The following LDLRAD3 variants were observed in gnomAD, a reference collection of about 807,000 sequenced individuals.
The protein encoded by LDLRAD3 is low density lipoprotein receptor class A domain containing 3.
A neutral mutation model predicts 29.4 loss-of-function variants in LDLRAD3; 20 were observed. The observed-to-expected ratio is 0.68, with a 90% CI of 0.48 to 0.99. The LOEUF (loss-of-function observed/expected upper bound fraction) is 0.99, where lower values mean the gene tolerates loss of function less well. Among genes scored for constraint, LDLRAD3 ranks in the 50% least tolerant of loss-of-function variants. The probability of loss-of-function intolerance (pLI) is 0.00; values close to 1 mark genes in which losing one functional copy is unlikely to be tolerated. For synonymous variants in LDLRAD3, 157 were observed against 192.7 expected (o/e 0.81, Z 1.53); for missense variants, 420 against 454.3 (o/e 0.92, Z 0.69).
intron 4 of LDLRAD3, among the ~76,000 whole-genome samples, chr11:36,142,285 C>T (rs969140064): frequency 6.6e-6 from 1 of 152,192 alleles, no homozygotes; most frequent in Non-Finnish European, 1.5e-5. Flanking sequence ...TTCACACATC[C>T]CAGCTGTATT....
At chr11:36,163,937 T>G (rs912198984) in intron 4 of LDLRAD3, among the ~76,000 whole-genome samples, 8 of 152,220 alleles carry the variant, frequency 5.3e-5, no homozygotes, top group Non-Finnish European at 1.0e-4. Flanking sequence ...TTGTCCCTAG[T>G]GCTGAGTGGC....
intron 1 of LDLRAD3, among the ~76,000 whole-genome samples, chr11:36,009,686 C>T (rs1301693324): frequency 2.0e-5 from 3 of 152,128 alleles, no homozygotes; most frequent in East Asian, 1.9e-4. Flanking sequence ...ATTTGCTTAC[C>T]GAAAGTTGCA....
intron 4 of LDLRAD3, among the ~76,000 whole-genome samples, chr11:36,104,643 T>C (rs1687290317): frequency 6.6e-6 from 1 of 152,172 alleles, no homozygotes; most frequent in Admixed American, 6.5e-5. Flanking sequence ...TATTTTCCTG[T>C]ACAGTTCTCA....
chr11:36,109,022 G>T (rs1853570831), intron 4 of LDLRAD3, among the ~76,000 whole-genome samples: 1 of 152,138 alleles, frequency 6.6e-6, no homozygotes, highest in African/African-American at 2.4e-5. Context: ...GAGGATGGTG[G>T]AGGATGGTGG....
At chr11:35,950,589 A>T (rs758278046) in intron 1 of LDLRAD3, among the ~76,000 whole-genome samples, 4 of 152,002 alleles carry the variant, frequency 2.6e-5, no homozygotes, top group Non-Finnish European at 5.9e-5. Flanking sequence ...AACCTTTCTT[A>T]CCTTCTAAAT....
intron 4 of LDLRAD3, among the ~76,000 whole-genome samples, chr11:36,172,951 C>T (rs902323357): frequency 3.3e-5 from 5 of 152,004 alleles, no homozygotes; most frequent in Non-Finnish European, 4.4e-5. Flanking sequence ...TGAATCTGTC[C>T]GTGCCTGGAC....
intron 1 of LDLRAD3, among the ~76,000 whole-genome samples, chr11:35,955,500 C>T (rs192028253): frequency 3.9e-5 from 6 of 152,044 alleles, no homozygotes; most frequent in East Asian, 3.9e-4. Context: ...CTTTCGGACA[C>T]GTAGTAAAAT....
At chr11:36,100,028 A>T (rs1853422344) in intron 4 of LDLRAD3, among the ~76,000 whole-genome samples, 1 of 152,086 alleles carries the variant, frequency 6.6e-6, no homozygotes, top group Non-Finnish European at 1.5e-5. Flanking sequence ...GCAGTTGTTC[A>T]GGCGCCATTC....
intron 4 of LDLRAD3, among the ~76,000 whole-genome samples, chr11:36,215,106 C>T (rs992233137): frequency 3.3e-5 from 5 of 152,050 alleles, no homozygotes; most frequent in Admixed American, 6.6e-5. Flanking sequence ...GTGAGTGATG[C>T]GGATGCCCTG....
chr11:35,973,327 C>G (rs1008781215), intron 1 of LDLRAD3, among the ~76,000 whole-genome samples: 4 of 152,108 alleles, frequency 2.6e-5, no homozygotes, highest in African/African-American at 9.7e-5. Context: ...TATTGGTAGA[C>G]AGGTTGATTC....
chr11:36,144,208 G>C (rs1447564072), intron 4 of LDLRAD3, among the ~76,000 whole-genome samples: 1 of 151,996 alleles, frequency 6.6e-6, no homozygotes, highest in Non-Finnish European at 1.5e-5. Context: ...CGGGATGGCA[G>C]ACAGAGTTGC....
rs527283762 is a variant in LDLRAD3 at position 36,015,294 on chromosome 11, G to A, written c.47-20809G>A. ...GAGTGAATCAATTAAAAATAAATCC[G>A]GGACATGCCATTCCCCCCCCCCGCC... On this transcript the variant is annotated intron_variant, in intron 1 of 5. Coordinates refer to ENST00000315571, the MANE Select transcript of LDLRAD3 (RefSeq NM_174902.4). 6.0e-5 allele frequency among the ~76,000 whole-genome samples: 9 copies of A among 149,296 alleles called. No individual in the cohort carries two copies. In the South Asian group the frequency reaches 1.3e-3, roughly 22 times the overall value.
chr11:36,098,085 GACTT>G (rs1590265139), intron 3 of LDLRAD3, among the ~76,000 whole-genome samples: 1 of 152,232 alleles, frequency 6.6e-6, no homozygotes, highest in African/African-American at 2.4e-5. Flanking sequence ...TTATTAAGCA[GACTT>G]ACTTAACCAG....
At chr11:36,047,738 C>T (rs61879157) in intron 2 of LDLRAD3, among the ~76,000 whole-genome samples, 4 of 152,292 alleles carry the variant, frequency 2.6e-5, no homozygotes, top group South Asian at 4.1e-4. Context: ...GTGCAACCTA[C>T]GCAAGGTACT....
rs373732928 is a variant in LDLRAD3 at position 35,966,263 on chromosome 11, A to G, written c.46+22119A>G. On this transcript the variant is annotated intron_variant, in intron 1 of 5. Transcript: ENST00000315571. The stretch of plus-strand genomic sequence containing the variant: ...AATATGGTGAAACCCCATCTCTACT[A>G]AAAATATAAAAGTTAGCCAGACGTG... Among the ~76,000 whole-genome samples, 11 of 152,188 alleles carry G rather than the reference A, an allele frequency of 7.2e-5. No individual in the cohort carries two copies. In the East Asian group the frequency reaches 2.1e-3, roughly 30 times the overall value.
intron 1 of LDLRAD3, among the ~76,000 whole-genome samples, chr11:36,013,539 T>C (rs1017151381): frequency 1.3e-5 from 2 of 150,722 alleles, no homozygotes; most frequent in Admixed American, 1.3e-4. Context: ...CTCCCACTTA[T>C]GAGTGAGAAC....
rs181253419 is a variant in LDLRAD3 at position 36,068,923 on chromosome 11, A to G, written c.194-12730A>G. Among the ~76,000 whole-genome samples the G allele has an allele frequency of 2.0e-5, 3 of 152,336 alleles. No homozygotes were observed. In the East Asian group the frequency reaches 5.8e-4, roughly 29 times the overall value. ...AGAAGAGTTTTGGAAAGAATTTTCT[A>G]CGAGAGAATCTTGTGGCAAAGCTGT... On this transcript the variant is annotated intron_variant, in intron 2 of 5. Coordinates refer to ENST00000315571, the MANE Select transcript of LDLRAD3 (RefSeq NM_174902.4).
chr11:36,061,903 T>C (rs1852706181), intron 2 of LDLRAD3, among the ~76,000 whole-genome samples: 1 of 152,166 alleles, frequency 6.6e-6, no homozygotes, highest in Non-Finnish European at 1.5e-5. Flanking sequence ...GCATATTAAT[T>C]GTTACTGGAT....
chr11:36,000,255 A>G (rs1851806829), intron 1 of LDLRAD3, among the ~76,000 whole-genome samples: 1 of 148,948 alleles, frequency 6.7e-6, no homozygotes, highest in Non-Finnish European at 1.5e-5. Flanking sequence ...GCTATATACT[A>G]TATAGTGTAA....
Sources: gnomAD v4.1 joint callset for allele counts (sites outside exome capture counted in the v4.1 genomes callset) on GRCh38, gnomAD v4.1.1 for gene constraint, MANE v1.5 for transcripts, NCBI Gene and HGNC (gene_info 2026-07-23, HGNC 2026-07-21) for gene names.